NCKAP5: variants seen among roughly 807,000 people sequenced by gnomAD.
NCKAP5 encodes the protein NCK associated protein 5, also known as nck-associated protein 5.
NCKAP5 carries 92 observed loss-of-function variants against 167.0 expected under a neutral mutation model. The ratio of observed to expected loss-of-function variants is 0.55; its 90% CI spans 0.47 to 0.66. The LOEUF is 0.66. Among genes scored for constraint, NCKAP5 ranks in the 30% least tolerant of loss-of-function variants. NCKAP5 has a pLI of 0.00. For synonymous variants in NCKAP5, 891 were observed against 877.4 expected, an observed-to-expected ratio of 1.02 and a Z score of -0.27; for missense variants, 2,378 against 2,315.0, an observed-to-expected ratio of 1.03 and a Z score of -0.56.
the NCKAP5 span, among the ~76,000 whole-genome samples, chr2:133,618,376 A>C: frequency 1.1e-4 from 16 of 151,638 alleles, no homozygotes; most frequent in East Asian, 7.8e-4. Flanking sequence ...CAACCTACAA[A>C]ATGGGAGAAA....
intron 2 of NCKAP5, among the ~76,000 whole-genome samples, chr2:133,534,170 C>G (rs888987070): frequency 6.6e-6 from 1 of 152,160 alleles, no homozygotes; most frequent in Non-Finnish European, 1.5e-5. Flanking sequence ...TACCTTCTGA[C>G]AAATTAATTT....
chr2:133,522,903 A>G (rs1225000591), intron 2 of NCKAP5, among the ~76,000 whole-genome samples: 1 of 152,236 alleles, frequency 6.6e-6, no homozygotes, highest in Non-Finnish European at 1.5e-5. Context: ...TATTCCTCAG[A>G]GCAATGGGTT....
chr2:132,795,593 G>C (rs1409991277), intron 12 of NCKAP5, among the ~76,000 whole-genome samples: 2 of 152,046 alleles, frequency 1.3e-5, no homozygotes, highest in Admixed American at 6.5e-5. Flanking sequence ...GGCCGAGGCA[G>C]GCAGATCACA....
At chr2:132,813,015 A>G in intron 11 of NCKAP5, among the ~76,000 whole-genome samples, 1 of 152,206 alleles carries the variant, frequency 6.6e-6, no homozygotes, top group East Asian at 1.9e-4. Context: ...CTTGGGGGTT[A>G]AGACTTCAAC....
In NCKAP5 at chr2:133,129,994, G is replaced by T; in HGVS notation, c.325C>A (p.Gln109Lys). 2 of 1,606,722 alleles carry T rather than the reference G, an allele frequency of 1.2e-6. No individual in the cohort carries two copies. The highest frequency in any genetic ancestry group is 1.7e-6 in the Non-Finnish European group (2 of 1,177,756). Residue 109 changes from glutamine to lysine, a missense_variant, in exon 6 of 20, where the codon CAG (glutamine) becomes AAG (lysine). Coordinates refer to ENST00000409261, the MANE Select transcript of NCKAP5 (RefSeq NM_207363.3). ...ERNRIQMRSL[Q>K]QQFSRMEETV... The stretch of plus-strand genomic sequence containing the variant: ...GAACAATACCTGGAGAACTGCTGCT[G>T]CAAGCTACGCATCTGAATTCTGTTG...
chr2:133,479,293 T>A (rs1282938612), intron 3 of NCKAP5, among the ~76,000 whole-genome samples: 1 of 152,242 alleles, frequency 6.6e-6, no homozygotes, highest in African/African-American at 2.4e-5. Flanking sequence ...CTTAATCAGT[T>A]TACTTTAACA....
chr2:133,259,106 C>T (rs1176725562), intron 4 of NCKAP5, among the ~76,000 whole-genome samples: 3 of 152,138 alleles, frequency 2.0e-5, no homozygotes, highest in African/African-American at 4.8e-5. Flanking sequence ...AGCTCAAGCC[C>T]TCTGCGGGGT....
At chr2:132,750,600 T>C (rs187328540) in intron 16 of NCKAP5, among the ~76,000 whole-genome samples, 1 of 152,192 alleles carries the variant, frequency 6.6e-6, no homozygotes, top group East Asian at 1.9e-4. Context: ...AGGGTAACCA[T>C]GGTGAGGAGA....
intron 8 of NCKAP5, among the ~76,000 whole-genome samples, chr2:132,895,816 C>CAAAAAAAAAAAA (rs59012786): frequency 9.5e-6 from 1 of 105,252 alleles, no homozygotes; most frequent in Middle Eastern, 4.7e-3. Flanking sequence ...GAGAAGGACT[C>CAAAAAAAAAAAA]AAAAAAAAAA....
chr2:133,437,533 G>T (rs534037930), intron 3 of NCKAP5, among the ~76,000 whole-genome samples: 1 of 152,260 alleles, frequency 6.6e-6, no homozygotes, highest in East Asian at 1.9e-4. Context: ...TTCTTTCTCA[G>T]CTGAATATTA....
intron 3 of NCKAP5, among the ~76,000 whole-genome samples, chr2:133,471,982 G>C (rs139285151): frequency 6.6e-6 from 1 of 152,226 alleles, no homozygotes; most frequent in African/African-American, 2.4e-5. Flanking sequence ...CCTGGATGTA[G>C]AAATTTAATT....
At chr2:133,251,590 A>G (rs1457255796) in intron 4 of NCKAP5, among the ~76,000 whole-genome samples, 1 of 152,196 alleles carries the variant, frequency 6.6e-6, no homozygotes, top group Non-Finnish European at 1.5e-5. Flanking sequence ...TATTGACTCT[A>G]CAAGGCACTC....
intron 2 of NCKAP5, among the ~76,000 whole-genome samples, chr2:133,540,794 G>A (rs971978770): frequency 7.9e-5 from 12 of 152,020 alleles, no homozygotes; most frequent in Admixed American, 7.9e-4. Flanking sequence ...AAATTAGCCA[G>A]GCGTGGTGGC....
chr2:133,529,500 G>A (rs1685188056), intron 2 of NCKAP5, among the ~76,000 whole-genome samples: 1 of 152,132 alleles, frequency 6.6e-6, no homozygotes, highest in Non-Finnish European at 1.5e-5. Flanking sequence ...ATAGTTGTTT[G>A]TGTTTTCTGA....
intron 4 of NCKAP5, among the ~76,000 whole-genome samples, chr2:133,259,660 A>T (rs1408245415): frequency 6.6e-6 from 1 of 152,234 alleles, no homozygotes; most frequent in Non-Finnish European, 1.5e-5. Context: ...CCACAGATAC[A>T]AAGTCGTGGT....
chr2:132,798,527 C>A (rs1373034467), intron 11 of NCKAP5, among the ~76,000 whole-genome samples: 1 of 152,148 alleles, frequency 6.6e-6, no homozygotes, highest in African/African-American at 2.4e-5. Context: ...AGAGAAGAGG[C>A]CTCAATGGAT....
chr2:133,480,422 C>G (rs1330396702), intron 3 of NCKAP5, among the ~76,000 whole-genome samples: 2 of 152,006 alleles, frequency 1.3e-5, no homozygotes, highest in Non-Finnish European at 2.9e-5. Flanking sequence ...GTTCTCCCAG[C>G]TTTTGGTAAC....
intron 6 of NCKAP5, among the ~76,000 whole-genome samples, chr2:133,049,881 T>C (rs2079544264): frequency 6.6e-6 from 1 of 152,192 alleles, no homozygotes; most frequent in South Asian, 2.1e-4. Flanking sequence ...GGCCTAGTGC[T>C]AGAGCCAAAA....
intron 3 of NCKAP5, among the ~76,000 whole-genome samples, chr2:133,355,201 T>C (rs543891791): frequency 6.6e-6 from 1 of 152,324 alleles, no homozygotes; most frequent in South Asian, 2.1e-4. Flanking sequence ...AAGCCTATCT[T>C]AAACTGTAGC....
Sources: gnomAD v4.1 joint callset for allele counts (sites outside exome capture counted in the v4.1 genomes callset) on GRCh38, gnomAD v4.1.1 for gene constraint, MANE v1.5 for transcripts, NCBI Gene and HGNC (gene_info 2026-07-23, HGNC 2026-07-21) for gene names.